AK7: variants seen among roughly 807,000 people sequenced by gnomAD.
AK7 encodes the protein ATP-AMP transphosphorylase 7.
AK7 carries 78 observed loss-of-function variants against 96.6 expected under a neutral mutation model. The ratio of observed to expected loss-of-function variants is 0.81; its 90% CI spans 0.67 to 0.97. The LOEUF is 0.97. Ranked by LOEUF, AK7 falls within the 50% of genes least tolerant of loss-of-function variation. The pLI is 0.00. For synonymous variants in AK7, 302 were observed against 317.2 expected, an observed-to-expected ratio of 0.95 and a Z score of 0.51; for missense variants, 855 against 887.9, an observed-to-expected ratio of 0.96 and a Z score of 0.47.
chr14:96,430,330 C>T (rs1360666097), intron 5 of AK7, among the ~76,000 whole-genome samples: 1 of 151,494 alleles, frequency 6.6e-6, no homozygotes, highest in Non-Finnish European at 1.5e-5. Flanking sequence ...GGACTACAGG[C>T]GCCCGCCACT....
chr14:96,482,984 T>A lies in AK7; in HGVS notation c.1754-15T>A, dbSNP rs1347301195. On this transcript the variant is annotated splice_polypyrimidine_tract_variant and intron_variant, in intron 15 of 17. Transcript: ENST00000267584. ...GAATATAAGTATGTGTTGATCTCTC[T>A]CCTGGTATTTAAAGATGTAGGAAAA... The A allele has an allele frequency of 6.2e-7, 1 of 1,613,394 alleles. No homozygotes were observed. The highest frequency in any genetic ancestry group is 8.5e-7 in the Non-Finnish European group (1 of 1,179,446).
intron 6 of AK7, among the ~76,000 whole-genome samples, chr14:96,438,879 C>T (rs7141071): frequency 0.076 from 11,512 of 152,020 alleles, 1,488 homozygotes; most frequent in African/African-American, 0.26. Context: ...AGATTTCAGA[C>T]GTATTTTGAA....
chr14:96,465,312 T>A (rs8023242), intron 12 of AK7, among the ~76,000 whole-genome samples: 11,428 of 151,732 alleles, frequency 0.075, 1,462 homozygotes, highest in African/African-American at 0.26. Context: ...AATACAAAAA[T>A]ATTAGCCGGG....
chr14:96,419,789 CTTTTTTT>C (rs5810772), intron 4 of AK7, among the ~76,000 whole-genome samples: 1 of 134,106 alleles, frequency 7.5e-6, no homozygotes, highest in Non-Finnish European at 1.5e-5. Context: ...TCTTTCTTTT[CTTTTTTT>C]TTTTTTTTTG....
At position 96,423,952 on chromosome 14, in the gene AK7, A is replaced by G. The variant is rs1891865084; in HGVS notation, c.609+3020A>G. ...GATGTCACTGCCCTTCATGTGGACCACCAGGAAATGATGCCATTCCCTGTA... is the reference window on the plus strand; with the variant it reads ...GATGTCACTGCCCTTCATGTGGACCGCCAGGAAATGATGCCATTCCCTGTA... On this transcript the variant is annotated intron_variant, in intron 5 of 17. Transcript: ENST00000267584. 6 of 1,048,010 alleles carry G rather than the reference A, an allele frequency of 5.7e-6. No individual in the cohort carries two copies. In the South Asian group the frequency reaches 7.5e-5, roughly 13 times the overall value. The allele number at this position is 1,048,010 out of a possible 1,614,324, so 64.9% of individuals were successfully genotyped here.
intron 12 of AK7, among the ~76,000 whole-genome samples, chr14:96,468,539 C>T (rs1894710538): frequency 6.6e-6 from 1 of 152,008 alleles, no homozygotes. Context: ...CCTCGTGATC[C>T]ACCTGCCTCG....
intron 4 of AK7, among the ~76,000 whole-genome samples, chr14:96,417,632 C>T (rs1890913): frequency 0.61 from 93,451 of 152,006 alleles, 28,930 homozygotes; most frequent in East Asian, 0.68. Context: ...ACACACTTTG[C>T]TCTCTTTGTA....
At chr14:96,468,173 C>T (rs1321279950) in intron 12 of AK7, among the ~76,000 whole-genome samples, 2 of 147,724 alleles carry the variant, frequency 1.4e-5, no homozygotes, top group East Asian at 2.0e-4. Flanking sequence ...AGCCAAGATC[C>T]CAACACTGCA....
chr14:96,415,462 G>A (rs1002524957), intron 4 of AK7, among the ~76,000 whole-genome samples: 1 of 152,038 alleles, frequency 6.6e-6, no homozygotes, highest in Non-Finnish European at 1.5e-5. Flanking sequence ...GGAATGAAGT[G>A]TTGTCTTGGA....
At chr14:96,485,267 T>G (rs1295944723) in intron 16 of AK7, among the ~76,000 whole-genome samples, 1 of 152,238 alleles carries the variant, frequency 6.6e-6, no homozygotes, top group Admixed American at 6.5e-5. Flanking sequence ...TTTCTTCTCA[T>G]GTTGCGTATT....
chr14:96,434,820 C>T (rs1892552681), intron 5 of AK7, among the ~76,000 whole-genome samples: 1 of 152,158 alleles, frequency 6.6e-6, no homozygotes, highest in African/African-American at 2.4e-5. Context: ...GTAGTCCTTC[C>T]CAGTCTTCCC....
chr14:96,472,491 G>C (rs929285292), intron 13 of AK7, among the ~76,000 whole-genome samples, 196 bp from the exon 14 acceptor site: 2 of 152,098 alleles, frequency 1.3e-5, no homozygotes, highest in Non-Finnish European at 2.9e-5. Flanking sequence ...GTATTCTGTT[G>C]GATGTATATA....
At position 96,454,664 on chromosome 14, in the gene AK7, T is replaced by A. The variant is rs1375893214; in HGVS notation, c.1099-1683T>A. ...ATGCCCAGCCAATATTTAAAAAAAA[T>A]TTTTTTTTTTTTTTGTAGAGACAGG... On this transcript the variant is annotated intron_variant, in intron 10 of 17. Coordinates refer to ENST00000267584, the MANE Select transcript of AK7 (RefSeq NM_152327.5). Among the ~76,000 whole-genome samples, 29 of 78,926 alleles carry A rather than the reference T, an allele frequency of 3.7e-4. 1 individual carries two copies. The highest frequency in any genetic ancestry group is 4.9e-4 in the African/African-American group (13 of 26,520). The allele number at this position is 78,926 out of a possible 152,430, so 51.8% of individuals were successfully genotyped here.
intron 4 of AK7, among the ~76,000 whole-genome samples, chr14:96,416,015 T>A (rs1323323434): frequency 6.6e-6 from 1 of 152,024 alleles, no homozygotes. Context: ...GCTCTGATTG[T>A]CACACGTAAT....
chr14:96,395,799 A>T (rs956797756), intron 1 of AK7, among the ~76,000 whole-genome samples: 1 of 116,814 alleles, frequency 8.6e-6, no homozygotes, highest in East Asian at 2.6e-4. Context: ...TTTGATTTTG[A>T]ATTTTTTTTT....
rs566842087 is a variant in AK7, at chr14:96,471,622, C to T, written c.1486+16C>T. The T allele has an allele frequency of 1.4e-4, 209 of 1,513,816 alleles. 3 individuals are homozygous for T. The South Asian group carries it at 2.5e-3, about 18-fold the overall frequency. 93.8% of individuals were successfully genotyped at this position (1,513,816 alleles called of 1,614,324 possible). A position where few individuals can be genotyped will look rare whatever the true frequency, so the allele number is the denominator to read the frequency against. ...CTGTTCAATCGTAAGTTTGAGTGTT[C>T]TATTTTGAGTATTTATATTCAGATA... On this transcript the variant is annotated intron_variant, in intron 13 of 17. Transcript: ENST00000267584.
In AK7 at chr14:96,457,839, G is replaced by A. The variant is rs990555926; in HGVS notation, c.1228-244G>A. On this transcript the variant is annotated intron_variant, in intron 11 of 17. Transcript: ENST00000267584. ...AGAATAACACATTAGAAAGATGTTG[G>A]CTCAAGCAGTTCTGGCATTAGCACA... Among the ~76,000 whole-genome samples, 12 of 152,224 alleles carry A rather than the reference G, an allele frequency of 7.9e-5. No individual in the cohort carries two copies. In the South Asian group the frequency reaches 2.1e-3, roughly 26 times the overall value.
At chr14:96,483,921 A>T (rs1258190049) in intron 16 of AK7, among the ~76,000 whole-genome samples, 2 of 151,808 alleles carry the variant, frequency 1.3e-5, no homozygotes, top group African/African-American at 4.8e-5. Flanking sequence ...CTAGTAAGTG[A>T]TTCTGCTTCC....
intron 1 of AK7, among the ~76,000 whole-genome samples, 162 bp from the exon 2 acceptor site, chr14:96,397,913 G>A (rs1890168057): frequency 6.6e-6 from 1 of 152,122 alleles, no homozygotes; most frequent in South Asian, 2.1e-4. Flanking sequence ...ACTCCTCCAG[G>A]AATGCAATCA....
Sources: gnomAD v4.1 joint callset for allele counts (sites outside exome capture counted in the v4.1 genomes callset) on GRCh38, gnomAD v4.1.1 for gene constraint, MANE v1.5 for transcripts, NCBI Gene and HGNC (gene_info 2026-07-23, HGNC 2026-07-21) for gene names.